Variants in ELAPOR1 observed in about 807,000 individuals in gnomAD.
ELAPOR1 encodes the protein endosome-lysosome associated apoptosis and autophagy regulator 1.
Under a neutral mutation model 119.7 loss-of-function variants are expected in ELAPOR1, and 77 were observed. That is an observed-to-expected ratio of 0.64 (90% CI 0.54 to 0.78). ELAPOR1 has a LOEUF of 0.78. Among genes scored for constraint, ELAPOR1 ranks in the 30% least tolerant of loss-of-function variants. The pLI, the probability that ELAPOR1 is intolerant of heterozygous loss-of-function variation, is 0.00. For synonymous variants in ELAPOR1, 481 were observed against 487.2 expected (o/e 0.99, Z 0.17); for missense variants, 1,115 against 1,270.4 (o/e 0.88, Z 1.86).
At chr1:109,186,796 C>T in intron 8 of ELAPOR1, 1 of 985,632 alleles carries the variant, frequency 1.0e-6, no homozygotes, top group African/African-American at 1.7e-5. Flanking sequence ...TCTCTTCCCT[C>T]CCTGGGCTCA....
At chr1:109,125,437 C>T (rs1449447195) in intron 1 of ELAPOR1, among the ~76,000 whole-genome samples, 1 of 151,256 alleles carries the variant, frequency 6.6e-6, no homozygotes. Context: ...TGCTCCGTCG[C>T]CAGGCTGTAG....
At chr1:109,184,109 C>T (rs1193174605) in intron 7 of ELAPOR1, among the ~76,000 whole-genome samples, 3 of 152,044 alleles carry the variant, frequency 2.0e-5, no homozygotes, top group South Asian at 2.1e-4. Flanking sequence ...CGGTGGCTCA[C>T]CCCTGTAATT....
chr1:109,131,957 G>A (rs563190808), intron 1 of ELAPOR1, among the ~76,000 whole-genome samples: 3 of 152,188 alleles, frequency 2.0e-5, no homozygotes, highest in African/African-American at 7.2e-5. Flanking sequence ...AGACTTGGAG[G>A]CCCTTGGAGA....
At chr1:109,179,183 C>T (rs1652543043) in intron 7 of ELAPOR1, among the ~76,000 whole-genome samples, 1 of 151,666 alleles carries the variant, frequency 6.6e-6, no homozygotes, top group African/African-American at 2.4e-5. Context: ...GGTGGATTGA[C>T]TGAGCTCAGG....
chr1:109,121,254 C>T (rs552202789), intron 1 of ELAPOR1, among the ~76,000 whole-genome samples: 4 of 152,178 alleles, frequency 2.6e-5, no homozygotes, highest in African/African-American at 9.6e-5. Flanking sequence ...TCAAGGGATT[C>T]TCCTGCCTCA....
chr1:109,193,305 C>T (rs772534494), intron 14 of ELAPOR1, among the ~76,000 whole-genome samples: 7 of 152,170 alleles, frequency 4.6e-5, no homozygotes, highest in Non-Finnish European at 7.4e-5. Context: ...ACTGGCATTG[C>T]TGTCTTCTAT....
intron 1 of ELAPOR1, among the ~76,000 whole-genome samples, chr1:109,146,706 C>T (rs1463366303): frequency 2.6e-5 from 4 of 152,144 alleles, no homozygotes; most frequent in Non-Finnish European, 4.4e-5. Context: ...GGAAGGTAGT[C>T]ATCAAGATGA....
chr1:109,163,295 C>T (rs978840249), intron 2 of ELAPOR1, among the ~76,000 whole-genome samples: 10 of 152,054 alleles, frequency 6.6e-5, no homozygotes, highest in Admixed American at 6.6e-4. Flanking sequence ...GCAGGGAAAT[C>T]GTGGAAAACT....
intron 15 of ELAPOR1, among the ~76,000 whole-genome samples, chr1:109,197,241 T>C (rs768706179): frequency 2.6e-5 from 4 of 151,988 alleles, no homozygotes; most frequent in Non-Finnish European, 5.9e-5. Context: ...GAGCTATGAT[T>C]GCACCATTGC....
At chr1:109,174,939 TC>T (rs1036068867) in intron 7 of ELAPOR1, among the ~76,000 whole-genome samples, 66 of 152,166 alleles carry the variant, frequency 4.3e-4, no homozygotes, top group African/African-American at 1.5e-3. Flanking sequence ...GTGGTCTCGA[TC>T]TCCTGACCTC....
rs753514953 is a variant in ELAPOR1, at chr1:109,161,963, A to G, written c.223A>G (p.Thr75Ala). 1.2e-6 allele frequency: 2 copies of G among 1,613,678 alleles called. No homozygotes were observed. Among genetic ancestry groups the G allele is most frequent in the Non-Finnish European group, 1.7e-6 (2 of 1,179,838 alleles). ...CAGGTGGAGGGTCGCCGTGCCGCAT[A>G]CCCCGGGCCTGTGCACCAGCCTGCC... is the stretch of plus-strand genomic sequence containing the variant. ...GSRWRVAVPH[T>A]PGLCTSLPDP... is the part of the protein sequence containing the mutation. Residue 75 changes from threonine (T) to alanine (A), a missense_variant, in exon 2 of 22, where the codon ACC (threonine) becomes GCC (alanine). Physicochemically the swap from Thr to Ala is moderately conservative, Grantham distance 58. Coordinates refer to ENST00000369939, the MANE Select transcript of ELAPOR1 (RefSeq NM_020775.5).
intron 1 of ELAPOR1, among the ~76,000 whole-genome samples, chr1:109,142,968 T>C (rs1050515560): frequency 5.3e-5 from 8 of 152,120 alleles, no homozygotes; most frequent in African/African-American, 1.9e-4. Context: ...TTTTTTTTTT[T>C]TGAAGCAGTC....
In ELAPOR1 at chr1:109,197,534, T is replaced by A. The variant is rs926563862; in HGVS notation, c.2182T>A (p.Ser728Thr). Residue 728 changes from serine (S) to threonine (T), a missense_variant, in exon 16 of 22, where the codon TCA (serine) becomes ACA (threonine). By Grantham distance (58) the Ser-to-Thr change is moderately conservative (BLOSUM62 1). Transcript: ENST00000369939. ...VTDLRIPEGESGFSKSITAYV... is the reference protein window; with the variant it reads ...VTDLRIPEGETGFSKSITAYV... ...TGACCTCCGGATTCCTGAGGGTGAG[T>A]CAGGGTTCTCCAAATCTATCACAGC... 6.2e-7 allele frequency: 1 copy of A among 1,613,932 alleles called. No homozygotes were observed. Among genetic ancestry groups the A allele is most frequent in the Admixed American group, 1.7e-5 (1 of 59,990 alleles).
intron 1 of ELAPOR1, among the ~76,000 whole-genome samples, chr1:109,130,093 G>T (rs1432696814): frequency 6.6e-6 from 1 of 152,142 alleles, no homozygotes; most frequent in Admixed American, 6.6e-5. Flanking sequence ...TTCCTCTTGT[G>T]TGTGTCTCTG....
In ELAPOR1 at chr1:109,194,506, A is replaced by T; in HGVS notation, c.2033A>T (p.Asn678Ile). The part of the protein sequence containing the change: ...TFNYNFSALA[N>I]TVTLAGGPSF... ...AACTACAACTTCTCCGCTTTGGCAA[A>T]CACTGTCACTCTTGCTGGAGGGCCA... Residue 678 changes from asparagine to isoleucine, a missense_variant, in exon 15 of 22, where the codon AAC becomes ATC. Coordinates refer to ENST00000369939, the MANE Select transcript of ELAPOR1 (RefSeq NM_020775.5). 1 of 1,613,894 alleles carries T rather than the reference A, an allele frequency of 6.2e-7. No homozygotes were observed. The highest frequency in any genetic ancestry group is 8.5e-7 in the Non-Finnish European group (1 of 1,179,748).
chr1:109,190,742 C>T (rs1183128151), intron 11 of ELAPOR1, among the ~76,000 whole-genome samples: 1 of 152,088 alleles, frequency 6.6e-6, no homozygotes, highest in Non-Finnish European at 1.5e-5. Context: ...TCCCCCATCC[C>T]CACTACTACC....
chr1:109,149,002 A>C lies in ELAPOR1; in HGVS notation c.154-12892A>C, dbSNP rs549492652. Among the ~76,000 whole-genome samples, 3 of 152,334 alleles carry C rather than the reference A, an allele frequency of 2.0e-5. No individual in the cohort carries two copies. The South Asian group carries it at 6.2e-4, about 32-fold the overall frequency. On this transcript the variant is annotated intron_variant, in intron 1 of 21. Coordinates refer to ENST00000369939, the MANE Select transcript of ELAPOR1 (RefSeq NM_020775.5). Reference sequence around the variant, plus strand: ...CCTCTGCACCTGAGGGACTGGCCGCAGTTACAGACTGTCATAAATGTCAGC... The same window carrying C: ...CCTCTGCACCTGAGGGACTGGCCGCCGTTACAGACTGTCATAAATGTCAGC...
At chr1:109,181,867 A>G (rs588346) in intron 7 of ELAPOR1, among the ~76,000 whole-genome samples, 122,961 of 151,730 alleles carry the variant, frequency 0.81, 50,428 homozygotes, top group East Asian at 1. Context: ...TGCAGTTGAG[A>G]GAACTTTCCA....
chr1:109,116,321 ACACC>A (rs1304076262), intron 1 of ELAPOR1, among the ~76,000 whole-genome samples: 1 of 152,356 alleles, frequency 6.6e-6, no homozygotes, highest in African/African-American at 2.4e-5. Context: ...TATCAAAATA[ACACC>A]TACCTCAGAA....
Sources: allele counts gnomAD v4.1 joint callset (sites outside exome capture counted in the v4.1 genomes callset), GRCh38; gene constraint gnomAD v4.1.1; transcripts MANE v1.5; gene names NCBI Gene and HGNC (gene_info 2026-07-23, HGNC 2026-07-21).